Variants in LDB2 observed in about 807,000 individuals in gnomAD.
The protein encoded by LDB2 is LIM domain binding 2.
LDB2 carries 12 observed loss-of-function variants against 44.3 expected under a neutral mutation model. The ratio of observed to expected loss-of-function variants is 0.27; its 90% confidence interval spans 0.17 to 0.44. The LOEUF (loss-of-function observed/expected upper bound fraction) is 0.44, where lower values mean the gene tolerates loss of function less well. LDB2 is among the 20% of genes least tolerant of loss of function. LDB2 has a pLI of 1.00. For synonymous variants in LDB2, 164 were observed against 174.8 expected, an observed-to-expected ratio of 0.94 and a Z score of 0.49; for missense variants, 344 against 473.5, an observed-to-expected ratio of 0.73 and a Z score of 2.54.
At chr4:16,813,325 TTAAC>T (rs1780260303) in intron 1 of LDB2, among the ~76,000 whole-genome samples, 1 of 152,180 alleles carries the variant, frequency 6.6e-6, no homozygotes, top group South Asian at 2.1e-4. Flanking sequence ...TTCATAGCAT[TTAAC>T]TAACAATAGG....
intron 1 of LDB2, among the ~76,000 whole-genome samples, chr4:16,788,181 T>C (rs984652051): frequency 2.6e-5 from 4 of 152,218 alleles, no homozygotes; most frequent in African/African-American, 9.6e-5. Context: ...GCTTTCTCAA[T>C]AGCCTTTCAC....
chr4:16,825,786 GA>G (rs1485576559), intron 1 of LDB2, among the ~76,000 whole-genome samples: 5 of 152,008 alleles, frequency 3.3e-5, no homozygotes, highest in Non-Finnish European at 5.9e-5. Context: ...CTGAACATAG[GA>G]ATTAAATGAT....
chr4:16,586,515 C>A (rs1345237616), intron 4 of LDB2, among the ~76,000 whole-genome samples: 15 of 84,026 alleles, frequency 1.8e-4, no homozygotes, highest in South Asian at 4.0e-4. Context: ...CACACACACA[C>A]ACACACACAC....
At chr4:16,760,533 G>A (rs369832714) in intron 1 of LDB2, among the ~76,000 whole-genome samples, 5 of 152,172 alleles carry the variant, frequency 3.3e-5, no homozygotes, top group East Asian at 1.9e-4. Context: ...GGAAACCACC[G>A]AAGAGCAATG....
intron 1 of LDB2, among the ~76,000 whole-genome samples, chr4:16,769,309 T>TA (rs1404084651): frequency 6.6e-6 from 1 of 151,644 alleles, no homozygotes; most frequent in Non-Finnish European, 1.5e-5. Context: ...TTTTTATTTT[T>TA]TTTTGAGATG....
chr4:16,519,378 AT>A (rs1725094786), intron 5 of LDB2, among the ~76,000 whole-genome samples: 4 of 151,546 alleles, frequency 2.6e-5, no homozygotes, highest in African/African-American at 7.3e-5. Context: ...CAGTACAGCT[AT>A]TTGAAGGGCA....
intron 1 of LDB2, among the ~76,000 whole-genome samples, chr4:16,820,950 T>C (rs1406598341): frequency 3.9e-5 from 6 of 152,246 alleles, no homozygotes; most frequent in Admixed American, 6.5e-5. Flanking sequence ...CAAATTTCCA[T>C]TGGCAATGGT....
At chr4:16,730,899 T>C (rs775097459) in intron 2 of LDB2, among the ~76,000 whole-genome samples, 4 of 152,214 alleles carry the variant, frequency 2.6e-5, no homozygotes, top group Non-Finnish European at 5.9e-5. Flanking sequence ...CCATTAAATA[T>C]TATTCTTATC....
At chr4:16,885,435 T>C (rs79396727) in intron 1 of LDB2, among the ~76,000 whole-genome samples, 2,579 of 152,274 alleles carry the variant, frequency 0.017, 62 homozygotes, top group African/African-American at 0.06. Flanking sequence ...TTATGACTGA[T>C]ACAAATATGA....
intron 2 of LDB2, among the ~76,000 whole-genome samples, chr4:16,697,153 G>A (rs1457128627): frequency 6.6e-6 from 1 of 151,890 alleles, no homozygotes; most frequent in East Asian, 1.9e-4. Context: ...GCCTAGGAAC[G>A]GTGGCTTACA....
intron 2 of LDB2, among the ~76,000 whole-genome samples, chr4:16,705,966 T>C (rs536062236): frequency 3.4e-4 from 52 of 152,332 alleles, no homozygotes; most frequent in African/African-American, 1.2e-3. Context: ...ATAATCTTTT[T>C]TTTTAAGTGA....
At chr4:16,840,325 C>T (rs1296674420) in intron 1 of LDB2, among the ~76,000 whole-genome samples, 2 of 152,168 alleles carry the variant, frequency 1.3e-5, no homozygotes, top group Admixed American at 1.3e-4. Context: ...GCATGTGCTA[C>T]TATCACAACT....
intron 1 of LDB2, among the ~76,000 whole-genome samples, chr4:16,825,892 C>T (rs1782962180): frequency 1.3e-5 from 2 of 151,894 alleles, no homozygotes; most frequent in African/African-American, 4.8e-5. Flanking sequence ...AATTAAAGCA[C>T]CAAAATATAG....
chr4:16,513,681 G>T (rs1333451882), intron 5 of LDB2, among the ~76,000 whole-genome samples: 3 of 152,140 alleles, frequency 2.0e-5, no homozygotes, highest in African/African-American at 7.2e-5. Context: ...TTGAGGTGGG[G>T]TTCCAAATCT....
intron 1 of LDB2, among the ~76,000 whole-genome samples, chr4:16,761,881 G>A (rs1037816165): frequency 2.0e-5 from 3 of 152,130 alleles, no homozygotes; most frequent in African/African-American, 7.2e-5. Flanking sequence ...GGTGGTTCAT[G>A]CCTGTAATCC....
chr4:16,679,472 TC>T (rs1747259890), intron 2 of LDB2, among the ~76,000 whole-genome samples: 1 of 152,178 alleles, frequency 6.6e-6, no homozygotes, highest in African/African-American at 2.4e-5. Context: ...ACTCATTGAA[TC>T]CTCACAACAA....
At chr4:16,518,471 C>T (rs1724688112) in intron 5 of LDB2, among the ~76,000 whole-genome samples, 1 of 148,100 alleles carries the variant, frequency 6.8e-6, no homozygotes. Flanking sequence ...TTGCTCAGAC[C>T]TTTGCTTGTG....
intron 1 of LDB2, among the ~76,000 whole-genome samples, chr4:16,881,355 T>C (rs1045687034): frequency 6.6e-6 from 1 of 152,186 alleles, no homozygotes; most frequent in Non-Finnish European, 1.5e-5. Context: ...CGTATCACAG[T>C]AGTGTGTGGC....
intron 2 of LDB2, among the ~76,000 whole-genome samples, chr4:16,728,573 A>G (rs920295962): frequency 6.6e-6 from 1 of 152,220 alleles, no homozygotes; most frequent in African/African-American, 2.4e-5. Flanking sequence ...GATTGTATTT[A>G]CAATTTAAGC....
Sources: gnomAD v4.1 joint callset for allele counts (sites outside exome capture counted in the v4.1 genomes callset) on GRCh38, gnomAD v4.1.1 for gene constraint, MANE v1.5 for transcripts, NCBI Gene and HGNC (gene_info 2026-07-23, HGNC 2026-07-21) for gene names.